FAT3: variants seen among roughly 807,000 people sequenced by gnomAD.
FAT3 encodes protocadherin Fat 3.
Under a neutral mutation model 310.2 loss-of-function variants are expected in FAT3, and 95 were observed. The ratio of observed to expected loss-of-function variants is 0.31; its 90% CI spans 0.26 to 0.36. The LOEUF is 0.36. FAT3 is among the 10% of genes least tolerant of loss of function. FAT3 has a pLI of 1.00. For missense variants in FAT3, 5,408 were observed against 5,715.6 expected (o/e 0.95, Z 1.74); for synonymous variants, 2,314 against 2,192.9 (o/e 1.06, Z -1.54).
At chr11:92,444,670 G>GGA (rs1555048637) in intron 2 of FAT3, among the ~76,000 whole-genome samples, 2,915 of 131,808 alleles carry the variant, frequency 0.022, 45 homozygotes, top group Non-Finnish European at 0.03. Context: ...GGGGGGGGGG[G>GGA]AAAACATACA....
At chr11:92,417,267 G>A (rs1950437315) in intron 2 of FAT3, among the ~76,000 whole-genome samples, 1 of 152,160 alleles carries the variant, frequency 6.6e-6, no homozygotes, top group African/African-American at 2.4e-5. Context: ...TAACAGGGTT[G>A]TGTTTCTTAT....
At chr11:92,749,315 C>T (rs1304097603) in intron 4 of FAT3, among the ~76,000 whole-genome samples, 1 of 152,136 alleles carries the variant, frequency 6.6e-6, no homozygotes, top group Non-Finnish European at 1.5e-5. Context: ...CAGATACACA[C>T]ACACACATAC....
intron 1 of FAT3, among the ~76,000 whole-genome samples, chr11:92,334,389 A>C (rs1164360647): frequency 1.3e-5 from 2 of 152,188 alleles, no homozygotes; most frequent in Non-Finnish European, 1.5e-5. Flanking sequence ...AAAAGGGAGA[A>C]TAACATCATT....
At chr11:92,730,934 A>G (rs1945158034) in intron 4 of FAT3, among the ~76,000 whole-genome samples, 1 of 152,178 alleles carries the variant, frequency 6.6e-6, no homozygotes, top group African/African-American at 2.4e-5. Context: ...TAAAATGAGC[A>G]GAGCAGGTTC....
chr11:92,562,471 G>A (rs1385801251), intron 3 of FAT3, among the ~76,000 whole-genome samples: 1 of 152,140 alleles, frequency 6.6e-6, no homozygotes, highest in African/African-American at 2.4e-5. Flanking sequence ...CCTGTAAAGT[G>A]GATATACTAT....
chr11:92,333,233 A>C (rs961187229), intron 1 of FAT3, among the ~76,000 whole-genome samples: 6 of 152,224 alleles, frequency 3.9e-5, no homozygotes, highest in Non-Finnish European at 5.9e-5. Context: ...CTGCTTTGCA[A>C]TTCCACATGT....
At chr11:92,451,386 G>T (rs1295584613) in intron 2 of FAT3, among the ~76,000 whole-genome samples, 1 of 152,162 alleles carries the variant, frequency 6.6e-6, no homozygotes, top group Non-Finnish European at 1.5e-5. Context: ...CCTTGAGCGA[G>T]TGTTATTCTT....
chr11:92,870,548 T>C (rs1256158606), intron 22 of FAT3, among the ~76,000 whole-genome samples: 1 of 152,136 alleles, frequency 6.6e-6, no homozygotes, highest in Non-Finnish European at 1.5e-5. Context: ...CCCATTGTGA[T>C]CCCTGCATTT....
chr11:92,544,835 A>G (rs766756886), intron 3 of FAT3, among the ~76,000 whole-genome samples: 3 of 152,190 alleles, frequency 2.0e-5, no homozygotes, highest in Non-Finnish European at 4.4e-5. Context: ...GGTTAGGTGC[A>G]ATCACAAAGA....
intron 3 of FAT3, among the ~76,000 whole-genome samples, chr11:92,551,414 T>TTGTTTTGTGTGTGTGTGTGTG (rs35238743): frequency 0.045 from 5,794 of 128,842 alleles, 170 homozygotes; most frequent in Non-Finnish European, 0.05. Flanking sequence ...TTTTTTTGTT[T>TTGTTTTGTGTGTGTGTGTGTG]TGTGTGTGTG....
intron 3 of FAT3, among the ~76,000 whole-genome samples, chr11:92,605,250 C>G (rs571365624): frequency 3.9e-5 from 6 of 152,184 alleles, no homozygotes; most frequent in African/African-American, 1.4e-4. Context: ...AAGTGTCAAA[C>G]GCAACCTTCC....
rs1491394097 is a variant in FAT3 at position 92,306,743 on chromosome 11, A to AT, written c.-17-45353_-17-45352insT. 3.2e-3 allele frequency among the ~76,000 whole-genome samples: 398 copies of AT among 125,872 alleles called. 2 individuals are homozygous for AT. The highest frequency in any genetic ancestry group is 5.1e-3 in the Non-Finnish European group (321 of 63,224). The allele number at this position is 125,872 out of a possible 152,430, so 82.6% of individuals were successfully genotyped here. A position where few individuals can be genotyped will look rare whatever the true frequency, so the allele number is the denominator to read the frequency against. The stretch of plus-strand genomic sequence containing the variant: ...ATATATTATATATATATTTATATAT[A>AT]AATATATATAAATATATATATAAAT... On this transcript the variant is annotated intron_variant, in intron 1 of 27. Coordinates refer to ENST00000525166, the MANE Select transcript of FAT3 (RefSeq NM_001367949.2).
intron 2 of FAT3, among the ~76,000 whole-genome samples, chr11:92,418,067 T>C (rs184907275): frequency 1.3e-5 from 2 of 152,338 alleles, no homozygotes; most frequent in Admixed American, 1.3e-4. Context: ...AGCAAGTCAC[T>C]TGTTGAAGTC....
At position 92,623,023 on chromosome 11, in the gene FAT3, A is replaced by G. The variant is rs537612294; in HGVS notation, c.3608-74361A>G. Among the ~76,000 whole-genome samples, 6 of 152,188 alleles carry G rather than the reference A, an allele frequency of 3.9e-5. No homozygotes were observed. In the East Asian group the frequency reaches 9.7e-4, roughly 25 times the overall value. Reference sequence around the variant, plus strand: ...AGCTTGGATTCAAGGCACTTCCCATAACAAGGCTGACTCCAGTGATGTCTC... The same window carrying G: ...AGCTTGGATTCAAGGCACTTCCCATGACAAGGCTGACTCCAGTGATGTCTC... On this transcript the variant is annotated intron_variant, in intron 3 of 27. Transcript: ENST00000525166.
At chr11:92,696,443 T>A (rs1463085672) in intron 3 of FAT3, among the ~76,000 whole-genome samples, 1 of 152,112 alleles carries the variant, frequency 6.6e-6, no homozygotes, top group African/African-American at 2.4e-5. Context: ...GGTCAAGGGC[T>A]CTTTCACAGC....
chr11:92,799,713 G>T lies in FAT3; in HGVS notation c.6700G>T (p.Asp2234Tyr). ...DGDPFKQFNI[D>Y]FDTGVLKVVS... The stretch of plus-strand genomic sequence containing the variant: ...GGACCCTTTTAAACAGTTTAACATT[G>T]ACTTTGACACTGGGGTCCTGAAAGT... The change falls in exon 10 of 28, where the codon GAC becomes TAC. Residue 2234 changes from aspartate to tyrosine, a missense_variant. This residue lies in a region of FAT3 where 4,588 missense variants were observed against 4,809.8 expected (regional missense o/e 0.95). Transcript: ENST00000525166. 6.2e-7 allele frequency: 1 copy of T among 1,613,010 alleles called. No individual in the cohort carries two copies. Among genetic ancestry groups the T allele is most frequent in the South Asian group, 1.1e-5 (1 of 90,868 alleles).
At chr11:92,459,811 C>T (rs571606553) in intron 2 of FAT3, among the ~76,000 whole-genome samples, 2 of 152,040 alleles carry the variant, frequency 1.3e-5, no homozygotes, top group South Asian at 4.2e-4. Context: ...TCCTTGGGGC[C>T]CAAAATAGGA....
At chr11:92,414,807 G>A (rs974514992) in intron 2 of FAT3, among the ~76,000 whole-genome samples, 2 of 152,044 alleles carry the variant, frequency 1.3e-5, no homozygotes, top group African/African-American at 2.4e-5. Context: ...TCGGGAGATC[G>A]GGATCATCCT....
intron 25 of FAT3, among the ~76,000 whole-genome samples, chr11:92,888,504 G>A (rs75714858): frequency 0.014 from 2,173 of 152,312 alleles, 97 homozygotes; most frequent in East Asian, 0.14. Context: ...AAATGAGGCA[G>A]GTGGTGTTAG....
Sources: allele counts gnomAD v4.1 joint callset (sites outside exome capture counted in the v4.1 genomes callset), GRCh38; gene constraint gnomAD v4.1.1; regional missense constraint gnomAD v4.1.1; transcripts MANE v1.5; gene names NCBI Gene and HGNC (gene_info 2026-07-23, HGNC 2026-07-21).